FER1L6: variants seen among roughly 807,000 people sequenced by gnomAD.
FER1L6 encodes fer-1 like family member 6.
Under a neutral mutation model 219.2 loss-of-function variants are expected in FER1L6, and 177 were observed. The observed-to-expected ratio is 0.81, with a 90% CI of 0.71 to 0.91. The LOEUF is 0.91. FER1L6 is among the 40% of genes least tolerant of loss of function. The pLI, the probability that FER1L6 is intolerant of heterozygous loss-of-function variation, is 0.00. For missense variants in FER1L6, 2,153 were observed against 2,259.9 expected (o/e 0.95, Z 0.96); for synonymous variants, 768 against 824.3 (o/e 0.93, Z 1.17).
chr8:123,971,872 T>A (rs2130264277), intron 6 of FER1L6, among the ~76,000 whole-genome samples: 1 of 152,282 alleles, frequency 6.6e-6, no homozygotes, highest in East Asian at 1.9e-4. Context: ...GTGTGAGACA[T>A]CCCCAGAGTC....
rs778521243 is a variant in FER1L6 at position 123,956,078 on chromosome 8, A to T, written c.76+4A>T. 8 of 1,608,718 alleles carry T rather than the reference A, an allele frequency of 5.0e-6. No individual in the cohort carries two copies. The highest frequency in any genetic ancestry group is 6.8e-6 in the Non-Finnish European group (8 of 1,177,874). On this transcript the variant is annotated splice_donor_region_variant and intron_variant, in intron 2 of 40. Transcript: ENST00000522917. ...CTAGCCAACAAGGCTGCGAAAGGTG[A>T]GGCTGGGGGTGGGGTGCTGACCATT... is the stretch of plus-strand genomic sequence containing the variant.
intron 11 of FER1L6, among the ~76,000 whole-genome samples, chr8:123,982,705 GAAGTTTCCATC>G (rs1816375878): frequency 6.6e-6 from 1 of 152,216 alleles, no homozygotes; most frequent in African/African-American, 2.4e-5. Context: ...AGGATCTCAT[GAAGTTTCCATC>G]AAGGCGAGGG....
intron 39 of FER1L6, among the ~76,000 whole-genome samples, chr8:124,115,774 T>C (rs1449414386): frequency 6.6e-6 from 1 of 152,114 alleles, no homozygotes; most frequent in Non-Finnish European, 1.5e-5. Context: ...CTCAGTACAG[T>C]GAGACTTAAA....
At chr8:123,897,714 A>G (rs374334630) in intron 1 of FER1L6, among the ~76,000 whole-genome samples, 45 of 152,320 alleles carry the variant, frequency 3.0e-4, no homozygotes, top group African/African-American at 1.0e-3. Context: ...TACATCATTC[A>G]TTGCAGGCTA....
At position 124,082,309 on chromosome 8, in the gene FER1L6, A is replaced by T; in HGVS notation, c.4242A>T (p.Thr1414=). ...GCAGGTCATTTGAGATCCAAGCCAC[A>T]TTCCCAAAAGAGTCCCTGCTCTCCA... ...VFGRSFEIQA[T]FPKESLLSIL... is the part of the protein sequence containing the mutation. The change falls in exon 33 of 41, where the codon ACA becomes ACT. Residue 1414 remains threonine (T), a synonymous_variant. Transcript: ENST00000522917. 1 of 1,613,410 alleles carries T rather than the reference A, an allele frequency of 6.2e-7. No homozygotes were observed. Among genetic ancestry groups the T allele is most frequent in the Non-Finnish European group, 8.5e-7 (1 of 1,179,684 alleles).
intron 12 of FER1L6, among the ~76,000 whole-genome samples, chr8:123,993,573 T>C (rs1317699572): frequency 6.6e-6 from 1 of 152,114 alleles, no homozygotes; most frequent in Non-Finnish European, 1.5e-5. Flanking sequence ...CAGCTGAGCC[T>C]CTGTTAAAAG....
intron 2 of FER1L6, among the ~76,000 whole-genome samples, chr8:123,962,722 G>T (rs1057283966): frequency 2.0e-5 from 3 of 152,138 alleles, no homozygotes; most frequent in African/African-American, 4.8e-5. Context: ...TGTCCCGCTG[G>T]GTTCAAGCGT....
In FER1L6 at chr8:124,031,416, T is replaced by TG. The variant is rs535686790; in HGVS notation, c.2287-3857dup. Among the ~76,000 whole-genome samples the TG allele has an allele frequency of 4.9e-3, 743 of 152,100 alleles. 7 individuals are homozygous for TG. The highest frequency in any genetic ancestry group is 0.017 in the African/African-American group (700 of 41,488). Reference sequence around the variant, plus strand: ...TATTATCTAATGCTAGTGGACTGAGTGGGGAAACAGCAAGGCCTGTCTGCC... The same window carrying TG: ...TATTATCTAATGCTAGTGGACTGAGTGGGGGAAACAGCAAGGCCTGTCTGCC... On this transcript the variant is annotated intron_variant, in intron 18 of 40. Coordinates refer to ENST00000522917, the MANE Select transcript of FER1L6 (RefSeq NM_001039112.2).
chr8:124,008,957 T>G (rs1240927443), intron 13 of FER1L6, among the ~76,000 whole-genome samples: 1 of 151,542 alleles, frequency 6.6e-6, no homozygotes, highest in Non-Finnish European at 1.5e-5. Flanking sequence ...CAAATGCAAA[T>G]CAAGACCACA....
rs149674199 is a variant in FER1L6 at position 124,047,552 on chromosome 8, C to T, written c.2724+1651C>T. 2.0e-5 allele frequency: 3 copies of T among 152,128 alleles called. No individual in the cohort carries two copies. In the East Asian group the frequency reaches 5.8e-4, roughly 29 times the overall value. The allele number at this position is 152,128 out of a possible 1,614,324, so 9.4% of individuals were successfully genotyped here. A position where few individuals can be genotyped will look rare whatever the true frequency, so the allele number is the denominator to read the frequency against. On this transcript the variant is annotated intron_variant, in intron 21 of 40. Transcript: ENST00000522917. The stretch of plus-strand genomic sequence containing the variant: ...GTATGTAGGTCATAGTCCTGTTACA[C>T]TAACCTGCTGAGCTGGCTGTGTTTC...
chr8:123,853,389 A>G lies in FER1L6; in HGVS notation c.-8+1204A>G, dbSNP rs776575147. ...AGGATGGTCTCAAACTTCTGACCTC[A>G]AACGATCCACCCACCTCAGCCTCCC... is the stretch of plus-strand genomic sequence containing the variant. On this transcript the variant is annotated intron_variant, in intron 1 of 40. Coordinates refer to ENST00000522917, the MANE Select transcript of FER1L6 (RefSeq NM_001039112.2). This position sits in a 1 kb window ranked among gnomAD's most constrained non-coding sequence, Gnocchi z 6.6. 3.9e-5 allele frequency among the ~76,000 whole-genome samples: 6 copies of G among 152,114 alleles called. No individual in the cohort carries two copies. Among genetic ancestry groups the G allele is most frequent in the African/African-American group, 1.4e-4 (6 of 41,414 alleles).
chr8:124,062,614 T>C (rs1820637410), intron 25 of FER1L6, among the ~76,000 whole-genome samples: 1 of 152,236 alleles, frequency 6.6e-6, no homozygotes, highest in Non-Finnish European at 1.5e-5. Flanking sequence ...GTGTGTACAT[T>C]AGCCTGTTAC....
chr8:123,926,281 G>C (rs1229659532), intron 1 of FER1L6, among the ~76,000 whole-genome samples: 1 of 152,148 alleles, frequency 6.6e-6, no homozygotes, highest in African/African-American at 2.4e-5. Flanking sequence ...GGCCTTCTGA[G>C]GGTAGGTTAG....
chr8:123,986,130 T>C lies in FER1L6; in HGVS notation c.1473T>C (p.Ile491=), dbSNP rs1563726173. The part of the protein sequence containing the change: ...LFGAFFEATM[I]DRKIGDKPIS... ...GAGCATTTTTTGAAGCTACCATGATTGACCGGAAGATTGGAGATAAACCCA... is the reference window on the plus strand; with the variant it reads ...GAGCATTTTTTGAAGCTACCATGATCGACCGGAAGATTGGAGATAAACCCA... The change falls in exon 12 of 41, where the codon ATT becomes ATC. Residue 491 remains isoleucine, a synonymous_variant. Transcript: ENST00000522917. 6.2e-7 allele frequency: 1 copy of C among 1,613,832 alleles called. No homozygotes were observed. Among genetic ancestry groups the C allele is most frequent in the South Asian group, 1.1e-5 (1 of 91,064 alleles).
intron 39 of FER1L6, among the ~76,000 whole-genome samples, chr8:124,107,460 G>A (rs761130695): frequency 6.6e-5 from 10 of 152,102 alleles, no homozygotes; most frequent in South Asian, 2.1e-4. Flanking sequence ...ACACAGTGGC[G>A]AATGGATGAA....
chr8:123,894,788 G>T lies in FER1L6; in HGVS notation c.-8+42603G>T, dbSNP rs142436564. Among the ~76,000 whole-genome samples, 213 of 152,292 alleles carry T rather than the reference G, an allele frequency of 1.4e-3. 1 individual carries two copies. Among genetic ancestry groups the T allele is most frequent in the African/African-American group, 5.1e-3 (212 of 41,554 alleles). ...AAGTGATGGGGATATGTTGAAAGGA[G>T]TCAGAAGCCAGCTGGAAGGGGCTCC... On this transcript the variant is annotated intron_variant, in intron 1 of 40. Transcript: ENST00000522917.
At chr8:123,915,334 G>A (rs1169577642) in intron 1 of FER1L6, among the ~76,000 whole-genome samples, 1 of 152,008 alleles carries the variant, frequency 6.6e-6, no homozygotes, top group Non-Finnish European at 1.5e-5. Flanking sequence ...GTGGTTCAGG[G>A]GTGGCCTTGG....
intron 39 of FER1L6, among the ~76,000 whole-genome samples, chr8:124,117,103 G>A (rs1823279585): frequency 6.6e-6 from 1 of 152,174 alleles, no homozygotes; most frequent in Non-Finnish European, 1.5e-5. Flanking sequence ...GAATAAGTTG[G>A]GAGGCAGCCT....
intron 1 of FER1L6, among the ~76,000 whole-genome samples, chr8:123,903,337 C>T (rs1812892546): frequency 6.6e-6 from 1 of 152,138 alleles, no homozygotes; most frequent in Non-Finnish European, 1.5e-5. Flanking sequence ...TATAGTAATT[C>T]TCAATCGCTG....
Sources: gnomAD v4.1 joint callset for allele counts (sites outside exome capture counted in the v4.1 genomes callset) on GRCh38, gnomAD v4.1.1 for gene constraint, Gnocchi (gnomAD v3.1) non-coding constraint, MANE v1.5 for transcripts, NCBI Gene and HGNC (gene_info 2026-07-23, HGNC 2026-07-21) for gene names.